The following CSMD1 variants were observed in gnomAD, a reference collection of about 807,000 sequenced individuals.
The protein encoded by CSMD1 is CUB and sushi domain-containing protein 1.
In CSMD1, 213 loss-of-function variants were observed where a neutral mutation model predicts 417.5. The ratio of observed to expected loss-of-function variants is 0.51; its 90% CI spans 0.46 to 0.57. The LOEUF (loss-of-function observed/expected upper bound fraction) is 0.57. Among genes scored for constraint, CSMD1 ranks in the 20% least tolerant of loss-of-function variants. The probability of loss-of-function intolerance (pLI) is 0.00; values close to 1 mark genes in which losing one functional copy is unlikely to be tolerated. For synonymous variants in CSMD1, 2,862 were observed against 1,736.8 expected, an observed-to-expected ratio of 1.65 and a Z score of -16.11; for missense variants, 6,923 against 4,529.7, an observed-to-expected ratio of 1.53 and a Z score of -15.17.
At chr8:4,267,899 G>T (rs1400455087) in intron 3 of CSMD1, among the ~76,000 whole-genome samples, 1 of 151,984 alleles carries the variant, frequency 6.6e-6, no homozygotes, top group Non-Finnish European at 1.5e-5. Context: ...ACACTGTAAT[G>T]ACTGAAATAA....
At chr8:3,775,666 G>C (rs1194259504) in intron 5 of CSMD1, among the ~76,000 whole-genome samples, 1 of 152,208 alleles carries the variant, frequency 6.6e-6, no homozygotes, top group Non-Finnish European at 1.5e-5. Flanking sequence ...GTCGGGGAGA[G>C]AGCCCAACAC....
intron 2 of CSMD1, among the ~76,000 whole-genome samples, chr8:4,549,895 TCAAAAAAAA>T (rs1797793132): frequency 1.5e-5 from 1 of 65,840 alleles, no homozygotes; most frequent in Non-Finnish European, 2.6e-5. Flanking sequence ...AGACTTTGTC[TCAAAAAAAA>T]AAAAAAAAAA....
At chr8:4,008,086 G>C (rs1448374370) in intron 4 of CSMD1, among the ~76,000 whole-genome samples, 1 of 152,062 alleles carries the variant, frequency 6.6e-6, no homozygotes, top group African/African-American at 2.4e-5. Context: ...TTTTTTCTTT[G>C]TTTTTAAACT....
At chr8:4,046,235 C>T (rs1341575156) in intron 3 of CSMD1, among the ~76,000 whole-genome samples, 1 of 152,068 alleles carries the variant, frequency 6.6e-6, no homozygotes, top group African/African-American at 2.4e-5. Context: ...ATATAAAGGT[C>T]ATGTGGCATT....
intron 1 of CSMD1, among the ~76,000 whole-genome samples, chr8:4,740,552 G>C (rs942762910): frequency 6.6e-6 from 1 of 152,134 alleles, no homozygotes; most frequent in African/African-American, 2.4e-5. Flanking sequence ...TGTGAAAAAG[G>C]TATTTTAAAT....
chr8:3,837,248 C>T (rs965381974), intron 5 of CSMD1, among the ~76,000 whole-genome samples: 1 of 152,044 alleles, frequency 6.6e-6, no homozygotes, highest in Non-Finnish European at 1.5e-5. Context: ...AAAGCTTATT[C>T]AACCCTTTGT....
chr8:3,999,454 GTTTTA>G (rs902342942), intron 4 of CSMD1, among the ~76,000 whole-genome samples: 44 of 152,218 alleles, frequency 2.9e-4, no homozygotes, highest in Admixed American at 1.0e-3. Context: ...AGCGATGTTC[GTTTTA>G]TTTTGGCAGG....
intron 7 of CSMD1, among the ~76,000 whole-genome samples, chr8:3,618,980 C>T (rs555204341): frequency 1.9e-4 from 29 of 152,084 alleles, no homozygotes; most frequent in Admixed American, 7.2e-4. Context: ...TGAGGAAGGG[C>T]GGCATAATTG....
At chr8:3,973,105 G>T (rs1342501114) in intron 5 of CSMD1, among the ~76,000 whole-genome samples, 1 of 152,180 alleles carries the variant, frequency 6.6e-6, no homozygotes, top group South Asian at 2.1e-4. Flanking sequence ...TTGCAAGCCT[G>T]CTTTCTTGAC....
At chr8:4,496,407 A>G (rs1017009538) in intron 2 of CSMD1, among the ~76,000 whole-genome samples, 2 of 152,162 alleles carry the variant, frequency 1.3e-5, no homozygotes, top group Non-Finnish European at 2.9e-5. Context: ...GATGAGATTC[A>G]TGTGCCATCT....
chr8:3,899,176 G>A (rs545078541), intron 5 of CSMD1, among the ~76,000 whole-genome samples: 4 of 152,246 alleles, frequency 2.6e-5, no homozygotes, highest in South Asian at 2.1e-4. Context: ...AGGTGCTTAC[G>A]GCCTAGGACA....
At chr8:3,805,118 T>C (rs1251250429) in intron 5 of CSMD1, among the ~76,000 whole-genome samples, 4 of 151,942 alleles carry the variant, frequency 2.6e-5, no homozygotes, top group African/African-American at 9.7e-5. Context: ...TGGGAAGGGG[T>C]CTAGAATTGC....
At chr8:4,383,380 C>A (rs149254742) in intron 3 of CSMD1, among the ~76,000 whole-genome samples, 138 of 152,234 alleles carry the variant, frequency 9.1e-4, no homozygotes, top group African/African-American at 3.2e-3. Flanking sequence ...GAAATGTTTA[C>A]TTGGGGGCTA....
At position 3,036,207 on chromosome 8, in the gene CSMD1, C is replaced by T. The variant is rs568484013; in HGVS notation, c.7661-6694G>A. Among the ~76,000 whole-genome samples, 10 of 152,270 alleles carry T rather than the reference C, an allele frequency of 6.6e-5. No homozygotes were observed. The South Asian group carries it at 8.3e-4, about 13-fold the overall frequency. ...AATTCTGATTTATTATAGACTCATTCAGCCAGTGACAGGATAGAAGAATAA... is the reference window on the plus strand; with the variant it reads ...AATTCTGATTTATTATAGACTCATTTAGCCAGTGACAGGATAGAAGAATAA... On this transcript the variant is annotated intron_variant, in intron 50 of 69. Coordinates refer to ENST00000635120, the MANE Select transcript of CSMD1 (RefSeq NM_033225.6).
intron 10 of CSMD1, among the ~76,000 whole-genome samples, chr8:3,521,504 G>T (rs1318400062): frequency 1.3e-5 from 2 of 152,098 alleles, no homozygotes; most frequent in Admixed American, 6.6e-5. Context: ...GCCGGTCCCT[G>T]TATTACAATG....
At chr8:4,005,252 C>G (rs1816018721) in intron 4 of CSMD1, among the ~76,000 whole-genome samples, 1 of 149,230 alleles carries the variant, frequency 6.7e-6, no homozygotes, top group Non-Finnish European at 1.5e-5. Context: ...ACTTATGTAA[C>G]CAAACACCAT....
chr8:4,382,363 A>G (rs565944121), intron 3 of CSMD1, among the ~76,000 whole-genome samples: 1 of 152,178 alleles, frequency 6.6e-6, no homozygotes, highest in African/African-American at 2.4e-5. Flanking sequence ...CCAATGACAC[A>G]CATTTCCCAG....
intron 3 of CSMD1, among the ~76,000 whole-genome samples, chr8:4,366,780 C>A (rs1300023748): frequency 1.3e-5 from 2 of 152,058 alleles, no homozygotes; most frequent in Non-Finnish European, 2.9e-5. Context: ...CATACATATA[C>A]ATGTGCCATG....
At chr8:4,436,371 T>C (rs765805335) in intron 2 of CSMD1, among the ~76,000 whole-genome samples, 3 of 152,204 alleles carry the variant, frequency 2.0e-5, no homozygotes, top group Non-Finnish European at 2.9e-5. Context: ...GCCTGATTTA[T>C]ACATCAAACG....
Sources: gnomAD v4.1 joint callset for allele counts (sites outside exome capture counted in the v4.1 genomes callset) on GRCh38, gnomAD v4.1.1 for gene constraint, MANE v1.5 for transcripts, NCBI Gene and HGNC (gene_info 2026-07-23, HGNC 2026-07-21) for gene names.